The following ZNF285 variants were observed in gnomAD, a reference collection of about 807,000 sequenced individuals.
ZNF285 encodes zinc finger protein 285.
Under a neutral mutation model 6.2 loss-of-function variants are expected in ZNF285, and 4 were observed. The observed-to-expected ratio is 0.65, with a 90% CI of 0.32 to 1.49. ZNF285 has a LOEUF of 1.49. Among genes scored for constraint, ZNF285 ranks in the 40% most tolerant of loss-of-function variants. The probability of loss-of-function intolerance (pLI) is 0.07; values close to 1 mark genes in which losing one functional copy is unlikely to be tolerated. For synonymous variants in ZNF285, 240 were observed against 245.8 expected, an observed-to-expected ratio of 0.98 and a Z score of 0.22; for missense variants, 695 against 708.8, an observed-to-expected ratio of 0.98 and a Z score of 0.22.
Position 44,386,921 on chromosome 19 carries a change from G to A in ZNF285, c.1324C>T (p.His442Tyr), listed in dbSNP as rs1971090450. ...TGGACTCTCTGGTGAATGTGAAGGT[G>A]TGTACATTGGCTGAAGCCCTTTCCA... is the stretch of plus-strand genomic sequence containing the variant. ...ECGKGFSQCT[H>Y]LHIHQRVHTG... Residue 442 changes from histidine to tyrosine, a missense_variant, in exon 4 of 4, where the codon CAC (histidine) becomes TAC (tyrosine). His to Tyr is a moderately conservative substitution (Grantham distance 83, BLOSUM62 2). Coordinates refer to ENST00000614994, the MANE Select transcript of ZNF285 (RefSeq NM_152354.6). The A allele has an allele frequency of 3.1e-6, 5 of 1,613,144 alleles. No individual in the cohort carries two copies. The highest frequency in any genetic ancestry group is 2.7e-5 in the African/African-American group (2 of 74,606).
At position 44,382,588 on chromosome 19, in the gene ZNF285, G is replaced by A. The variant is rs1971020503; in HGVS notation, c.*3884C>T. The A allele has an allele frequency of 6.6e-6, 1 of 151,878 alleles. No homozygotes were observed. Among genetic ancestry groups the A allele is most frequent in the Non-Finnish European group, 1.5e-5 (1 of 68,044 alleles). 9.4% of individuals were successfully genotyped at this position (151,878 alleles called of 1,614,324 possible). On this transcript the variant is annotated 3_prime_UTR_variant, in exon 4 of 4. Coordinates refer to ENST00000614994, the MANE Select transcript of ZNF285 (RefSeq NM_152354.6). ...GCTGGGATTAGGACTAAGTTTTATA[G>A]GGAAAACATGTAAGCTAAGGGTCTG...
intron 1 of ZNF285, among the ~76,000 whole-genome samples, chr19:44,399,066 A>C (rs1202844221): frequency 1.3e-5 from 2 of 151,880 alleles, no homozygotes; most frequent in Admixed American, 6.5e-5. Flanking sequence ...CAACATCTAC[A>C]CTCAAGTTCT....
At chr19:44,400,935 A>G (rs1971364990) in intron 1 of ZNF285, among the ~76,000 whole-genome samples, 1 of 152,106 alleles carries the variant, frequency 6.6e-6, no homozygotes, top group Non-Finnish European at 1.5e-5. Flanking sequence ...GAGTTATTAC[A>G]GTATTACAGT....
At chr19:44,395,423 G>A (rs982479831) in intron 2 of ZNF285, among the ~76,000 whole-genome samples, 4 of 152,054 alleles carry the variant, frequency 2.6e-5, no homozygotes, top group African/African-American at 9.7e-5. Flanking sequence ...AAGTAGAGGG[G>A]CAGATTTCTC....
intron 2 of ZNF285, chr19:44,396,532 T>C (rs974997811): frequency 2.6e-5 from 4 of 152,190 alleles, no homozygotes; most frequent in Admixed American, 6.5e-5. Flanking sequence ...AATCTGAGTA[T>C]GTCTGATTCA....
chr19:44,394,022 AACG>A (rs1290060443), intron 2 of ZNF285, among the ~76,000 whole-genome samples: 1 of 152,116 alleles, frequency 6.6e-6, no homozygotes, highest in East Asian at 1.9e-4. Context: ...AATGTCCAAC[AACG>A]ATAGACTGGA....
chr19:44,395,987 G>A (rs1039399018), intron 2 of ZNF285, among the ~76,000 whole-genome samples: 2 of 152,284 alleles, frequency 1.3e-5, no homozygotes, highest in Admixed American at 1.3e-4. Flanking sequence ...TGACCTGGGT[G>A]ATGCAGTGGT....
At position 44,387,903 on chromosome 19, in the gene ZNF285, A is replaced by G. The variant is rs374886155; in HGVS notation, c.342T>C (p.Ile114=). ...TTTCATTTTCAGAAATCTGAAGAGA[A>G]ATGCCTGCCCACTCTTCACTGAGGG... ...DVSLSEEWAG[I]SLQISENENY... is the part of the protein sequence containing the mutation. The change falls in exon 4 of 4, where the codon ATT becomes ATC. Residue 114 remains isoleucine (I), a synonymous_variant. Coordinates refer to ENST00000614994, the MANE Select transcript of ZNF285 (RefSeq NM_152354.6). 1 of 1,613,836 alleles carries G rather than the reference A, an allele frequency of 6.2e-7. No homozygotes were observed. The highest frequency in any genetic ancestry group is 1.3e-5 in the African/African-American group (1 of 74,906).
At chr19:44,399,955 G>A (rs1462496574) in intron 1 of ZNF285, among the ~76,000 whole-genome samples, 1 of 151,222 alleles carries the variant, frequency 6.6e-6, no homozygotes, top group Non-Finnish European at 1.5e-5. Context: ...TTGTTTAGAA[G>A]GGCAGCTAAT....
chr19:44,393,739 T>C (rs1243812511), intron 2 of ZNF285, among the ~76,000 whole-genome samples: 1 of 152,044 alleles, frequency 6.6e-6, no homozygotes, highest in Non-Finnish European at 1.5e-5. Context: ...AGAATGGCGA[T>C]CATTAAAAAG....
At position 44,387,786 on chromosome 19, in the gene ZNF285, G is replaced by A. The variant is rs1324460519; in HGVS notation, c.459C>T (p.Ala153=). ...AGTTCTGGGGCTCGGTCATTATGTT[G>A]GCTTTCCTCCACGATTCTGGGGTAA... ...QVLTPESWRK[A]NIMTEPQNSQ... The change falls in exon 4 of 4, where the codon GCC becomes GCT. Residue 153 remains alanine, a synonymous_variant. Coordinates refer to ENST00000614994, the MANE Select transcript of ZNF285 (RefSeq NM_152354.6). 21 of 1,613,664 alleles carry A rather than the reference G, an allele frequency of 1.3e-5. No homozygotes were observed. Among genetic ancestry groups the A allele is most frequent in the Non-Finnish European group, 1.6e-5 (19 of 1,179,832 alleles).
intron 3 of ZNF285, among the ~76,000 whole-genome samples, chr19:44,388,608 G>GA (rs1411126164): frequency 6.6e-6 from 1 of 151,862 alleles, no homozygotes; most frequent in Non-Finnish European, 1.5e-5. Context: ...GAAATCTTAG[G>GA]AAAATTTTAT....
chr19:44,390,691 T>C (rs1971178566), intron 3 of ZNF285, among the ~76,000 whole-genome samples: 1 of 151,868 alleles, frequency 6.6e-6, no homozygotes, highest in Non-Finnish European at 1.5e-5. Flanking sequence ...AGTGGTGGGA[T>C]AATATGGTCT....
chr19:44,386,776 C>T lies in ZNF285; in HGVS notation c.1469G>A (p.Gly490Glu). 1 of 1,614,210 alleles carries T rather than the reference C, an allele frequency of 6.2e-7. No homozygotes were observed. The highest frequency in any genetic ancestry group is 8.5e-7 in the Non-Finnish European group (1 of 1,180,046). ...ATATGAACTGTAACTGAAGCACTTT[C>T]CACACACTTCACATTTATATGGTTT... is the stretch of plus-strand genomic sequence containing the variant. Reference protein sequence around the residue: ...GEKPYKCEVCGKCFSYSSYFH... With the variant: ...GEKPYKCEVCEKCFSYSSYFH... The change falls in exon 4 of 4, where the codon GGA becomes GAA. Residue 490 changes from glycine to glutamate, a missense_variant. Gly to Glu is a moderately conservative substitution (Grantham distance 98). Transcript: ENST00000614994.
chr19:44,397,122 C>A (rs1477292699), intron 2 of ZNF285, 77 bp downstream of exon 2: 6 of 1,606,334 alleles, frequency 3.7e-6, no homozygotes, highest in Admixed American at 3.4e-5. Flanking sequence ...AAAATGCTGA[C>A]CTCCTTTCAG....
At chr19:44,396,922 T>C in intron 2 of ZNF285, 2 of 426,736 alleles carry the variant, frequency 4.7e-6, no homozygotes, top group Admixed American at 7.2e-5. Flanking sequence ...TTGATTCTTT[T>C]TCCCTCATCG....
chr19:44,393,051 A>G lies in ZNF285; in HGVS notation c.16-585T>C, dbSNP rs146206495. On this transcript the variant is annotated intron_variant, in intron 2 of 3. Transcript: ENST00000614994. ...TTAGGATAATTAAGAACACTTGGAT[A>G]TCAACTAGGTATTAAAAAATAGTGG... Among the ~76,000 whole-genome samples, 1,092 of 152,322 alleles carry G rather than the reference A, an allele frequency of 7.2e-3. 5 individuals are homozygous for G. The highest frequency in any genetic ancestry group is 0.012 in the Non-Finnish European group (786 of 68,036).
At chr19:44,389,510 G>A (rs8109513) in intron 3 of ZNF285, among the ~76,000 whole-genome samples, 16,403 of 152,158 alleles carry the variant, frequency 0.11, 1,370 homozygotes, top group Admixed American at 0.25. Context: ...GAATAGGCAC[G>A]AACATCAACA....
At chr19:44,393,756 A>G (rs1971235481) in intron 2 of ZNF285, among the ~76,000 whole-genome samples, 1 of 152,102 alleles carries the variant, frequency 6.6e-6, no homozygotes, top group South Asian at 2.1e-4. Flanking sequence ...AAAGTCAGGA[A>G]ACAACAGGTG....
Sources: allele counts gnomAD v4.1 joint callset (sites outside exome capture counted in the v4.1 genomes callset), GRCh38; gene constraint gnomAD v4.1.1; transcripts MANE v1.5; gene names NCBI Gene and HGNC (gene_info 2026-07-23, HGNC 2026-07-21).